Variants in NBEA observed in about 807,000 individuals in gnomAD.
NBEA encodes the protein lysosomal-trafficking regulator 2.
A neutral mutation model predicts 343.4 loss-of-function variants in NBEA; 44 were observed. That is an observed-to-expected ratio of 0.13 (90% CI 0.10 to 0.16). The LOEUF (loss-of-function observed/expected upper bound fraction) is 0.16. Among genes scored for constraint, NBEA ranks in the 10% least tolerant of loss-of-function variants. The probability of loss-of-function intolerance (pLI) is 1.00; values close to 1 mark genes in which losing one functional copy is unlikely to be tolerated. For missense variants in NBEA, 2,555 were observed against 3,631.3 expected (o/e 0.70, Z 7.62); for synonymous variants, 1,175 against 1,238.7 (o/e 0.95, Z 1.08).
chr13:35,445,095 A>G (rs2045925024), intron 39 of NBEA, among the ~76,000 whole-genome samples: 1 of 152,158 alleles, frequency 6.6e-6, no homozygotes. Flanking sequence ...GAAGGAAAGG[A>G]AACTATCACT....
intron 46 of NBEA, among the ~76,000 whole-genome samples, chr13:35,591,448 CATTT>C (rs1566374338): frequency 6.6e-6 from 1 of 151,940 alleles, no homozygotes; most frequent in Non-Finnish European, 1.5e-5. Context: ...ATTTCACTAA[CATTT>C]ATTTATTTCT....
chr13:35,345,775 A>G (rs1337341800), intron 36 of NBEA, among the ~76,000 whole-genome samples: 1 of 152,102 alleles, frequency 6.6e-6, no homozygotes, highest in African/African-American at 2.4e-5. Flanking sequence ...GAAAGAGAGC[A>G]GCAAGGATAG....
intron 43 of NBEA, among the ~76,000 whole-genome samples, chr13:35,552,099 A>G (rs1340731842): frequency 6.6e-6 from 1 of 152,248 alleles, no homozygotes; most frequent in Non-Finnish European, 1.5e-5. Context: ...TTAGGTAGAT[A>G]CAACAATGTC....
At chr13:35,395,904 A>T (rs2042722987) in intron 38 of NBEA, among the ~76,000 whole-genome samples, 1 of 152,074 alleles carries the variant, frequency 6.6e-6, no homozygotes, top group Non-Finnish European at 1.5e-5. Context: ...ATTTCTGGTA[A>T]TGGTACTTGT....
chr13:35,211,690 C>T (rs970151222), intron 33 of NBEA, among the ~76,000 whole-genome samples: 1 of 152,014 alleles, frequency 6.6e-6, no homozygotes, highest in Admixed American at 6.6e-5. Context: ...TGGTGCACGC[C>T]TGTAATCCCA....
chr13:35,164,886 T>C (rs937976052), intron 24 of NBEA, among the ~76,000 whole-genome samples: 2 of 152,208 alleles, frequency 1.3e-5, no homozygotes, highest in African/African-American at 4.8e-5. Context: ...GATTTGTTTC[T>C]ATATAAAACA....
chr13:35,631,181 A>AC (rs1373087804), intron 49 of NBEA, among the ~76,000 whole-genome samples: 1 of 152,216 alleles, frequency 6.6e-6, no homozygotes, highest in Non-Finnish European at 1.5e-5. Context: ...ATAAGAAAGA[A>AC]CCCAGATAAA....
chr13:35,054,624 T>A (rs865966493), intron 6 of NBEA, among the ~76,000 whole-genome samples: 1 of 151,300 alleles, frequency 6.6e-6, no homozygotes, highest in Admixed American at 6.6e-5. Flanking sequence ...GTTTTTTTTT[T>A]CTTTTTCTGT....
chr13:35,300,614 T>C (rs897114076), intron 35 of NBEA, among the ~76,000 whole-genome samples: 13 of 152,188 alleles, frequency 8.5e-5, no homozygotes, highest in African/African-American at 3.1e-4. Context: ...GCTTTAAGAT[T>C]TGTTTCATTG....
chr13:35,539,833 G>C (rs12429383), intron 41 of NBEA, among the ~76,000 whole-genome samples: 6,921 of 147,648 alleles, frequency 0.047, 173 homozygotes, highest in East Asian at 0.067. Context: ...GGAGAATGGC[G>C]TGAACCCGGG....
intron 45 of NBEA, among the ~76,000 whole-genome samples, chr13:35,573,775 TCCTA>T (rs1214519805): frequency 6.6e-6 from 1 of 152,160 alleles, no homozygotes; most frequent in Non-Finnish European, 1.5e-5. Context: ...CTTAGAAGAA[TCCTA>T]CCTATGGAAA....
At position 35,092,297 on chromosome 13, in the gene NBEA, A is replaced by G. The variant is rs528442553; in HGVS notation, c.1572-6000A>G. 1.5e-3 allele frequency among the ~76,000 whole-genome samples: 233 copies of G among 152,136 alleles called. 1 individual carries two copies. The highest frequency in any genetic ancestry group is 5.1e-3 in the African/African-American group (213 of 41,536). ...TTATGGGAAACGTATAAGGAAATTT[A>G]TGGGACTTAGGGTAGGCAAAGCTTT... On this transcript the variant is annotated intron_variant, in intron 10 of 58. Transcript: ENST00000379939.
At position 35,229,144 on chromosome 13, in the gene NBEA, C is replaced by G. The variant is rs2074829343; in HGVS notation, c.5649-3348C>G. On this transcript the variant is annotated intron_variant, in intron 33 of 58. Transcript: ENST00000379939. ...CTCCTGGGCTCAAGCTATCCTCTTG[C>G]CTCAACCTTTTGAGTAGCTAGGATC... Among the ~76,000 whole-genome samples, 4 of 152,116 alleles carry G rather than the reference C, an allele frequency of 2.6e-5. No individual in the cohort carries two copies. In the South Asian group the frequency reaches 6.2e-4, roughly 24 times the overall value.
chr13:35,529,327 G>A (rs895051555), intron 41 of NBEA, among the ~76,000 whole-genome samples: 1 of 152,136 alleles, frequency 6.6e-6, no homozygotes, highest in Non-Finnish European at 1.5e-5. Flanking sequence ...GACTTTTAAA[G>A]TAAGTGTGAG....
chr13:34,960,317 AATT>A (rs2152490739), intron 1 of NBEA, among the ~76,000 whole-genome samples: 1 of 152,302 alleles, frequency 6.6e-6, no homozygotes, highest in Admixed American at 6.5e-5. Context: ...GTTTTAAGCT[AATT>A]ATTATAAAAG....
chr13:35,043,566 G>A (rs942886684), intron 2 of NBEA, among the ~76,000 whole-genome samples: 1 of 151,674 alleles, frequency 6.6e-6, no homozygotes, highest in Non-Finnish European at 1.5e-5. Context: ...TGACCTATAT[G>A]TACTAATATT....
chr13:35,225,857 G>A (rs1335776896), intron 33 of NBEA, among the ~76,000 whole-genome samples: 4 of 151,942 alleles, frequency 2.6e-5, no homozygotes, highest in Admixed American at 2.0e-4. Context: ...GCCTAACAAA[G>A]TTATAATTCT....
chr13:35,234,612 C>G (rs757656111), intron 34 of NBEA, among the ~76,000 whole-genome samples: 1 of 152,158 alleles, frequency 6.6e-6, no homozygotes, highest in Non-Finnish European at 1.5e-5. Flanking sequence ...GGCACATATT[C>G]TTCTAACTGG....
At chr13:35,620,663 G>A (rs940105293) in intron 48 of NBEA, among the ~76,000 whole-genome samples, 1 of 152,208 alleles carries the variant, frequency 6.6e-6, no homozygotes, top group Non-Finnish European at 1.5e-5. Context: ...TCTGGCTGCA[G>A]TGTTGGGAAT....
Sources: allele counts gnomAD v4.1 joint callset (sites outside exome capture counted in the v4.1 genomes callset), GRCh38; gene constraint gnomAD v4.1.1; transcripts MANE v1.5; gene names NCBI Gene and HGNC (gene_info 2026-07-23, HGNC 2026-07-21).